Variants in LAMC1 observed in about 807,000 individuals in gnomAD.
LAMC1 encodes the protein laminin subunit gamma 1.
LAMC1 carries 38 observed loss-of-function variants against 173.6 expected under a neutral mutation model. The observed-to-expected ratio is 0.22, with a 90% CI of 0.17 to 0.29. LAMC1 has a LOEUF of 0.29. Ranked by LOEUF, LAMC1 falls within the 10% of genes least tolerant of loss-of-function variation. The probability of loss-of-function intolerance (pLI) is 1.00; values close to 1 mark genes in which losing one functional copy is unlikely to be tolerated. For synonymous variants in LAMC1, 746 were observed against 749.1 expected, an observed-to-expected ratio of 1.00 and a Z score of 0.07; for missense variants, 1,824 against 2,051.8, an observed-to-expected ratio of 0.89 and a Z score of 2.14.
rs1344728130 is a variant in LAMC1 at position 183,071,638 on chromosome 1, CCTT to C, written c.419-31686_419-31684del. 6.6e-5 allele frequency among the ~76,000 whole-genome samples: 10 copies of C among 152,262 alleles called. No individual in the cohort carries two copies. The East Asian group carries it at 1.5e-3, about 24-fold the overall frequency. On this transcript the variant is annotated intron_variant, in intron 1 of 27. Coordinates refer to ENST00000258341, the MANE Select transcript of LAMC1 (RefSeq NM_002293.4). Reference sequence around the variant, plus strand: ...TGAAGTAAAAGGAGGTGATGTTCTGCCTTCTTGTTTCAGCTGCACTGCTGTAAA... The same window carrying C: ...TGAAGTAAAAGGAGGTGATGTTCTGCCTTGTTTCAGCTGCACTGCTGTAAA...
intron 1 of LAMC1, among the ~76,000 whole-genome samples, chr1:183,035,384 T>A (rs1653953760): frequency 6.6e-6 from 1 of 152,102 alleles, no homozygotes; most frequent in Admixed American, 6.5e-5. Context: ...ATGGGGTCTC[T>A]CTGTGTTGTC....
In LAMC1 at chr1:183,133,387, C is replaced by A; in HGVS notation, c.3705-19C>A. The A allele has an allele frequency of 6.3e-7, 1 of 1,599,168 alleles. No homozygotes were observed. Among genetic ancestry groups the A allele is most frequent in the South Asian group, 1.1e-5 (1 of 89,434 alleles). On this transcript the variant is annotated intron_variant, in intron 21 of 27. Coordinates refer to ENST00000258341, the MANE Select transcript of LAMC1 (RefSeq NM_002293.4). The stretch of plus-strand genomic sequence containing the variant: ...AAAGCAGCTAAGATTGTCATTAAAC[C>A]ACATTATTTGTGTCTTAGGTATGAA...
chr1:183,081,157 G>A (rs1425535861), intron 1 of LAMC1, among the ~76,000 whole-genome samples: 1 of 151,978 alleles, frequency 6.6e-6, no homozygotes, highest in Non-Finnish European at 1.5e-5. Flanking sequence ...AAAAGTGCTG[G>A]GATTATAGGC....
chr1:183,070,692 G>T (rs1654988583), intron 1 of LAMC1, among the ~76,000 whole-genome samples: 1 of 151,908 alleles, frequency 6.6e-6, no homozygotes, highest in South Asian at 2.1e-4. Flanking sequence ...TTTAATTTAG[G>T]GATTTTTTTT....
chr1:183,124,594 G>T (rs1407812612), intron 13 of LAMC1, 37 bp from the exon 14 acceptor site: 3 of 1,612,650 alleles, frequency 1.9e-6, no homozygotes, highest in Admixed American at 3.3e-5. Context: ...AATGTCTAAG[G>T]CCTTTCTTTC....
At chr1:183,105,244 AAAGAAAG>A (rs1655944778) in intron 2 of LAMC1, among the ~76,000 whole-genome samples, 1 of 118,832 alleles carries the variant, frequency 8.4e-6, no homozygotes, top group Non-Finnish European at 1.7e-5. Context: ...AAAAAAAAAA[AAAGAAAG>A]AAAGAAAAGA....
intron 4 of LAMC1, among the ~76,000 whole-genome samples, chr1:183,111,012 C>T (rs938607521): frequency 2.6e-5 from 4 of 152,156 alleles, no homozygotes; most frequent in African/African-American, 9.7e-5. Flanking sequence ...TATCAATGCT[C>T]AGGCATCCAA....
chr1:183,116,053 C>T (rs911547497), intron 6 of LAMC1, among the ~76,000 whole-genome samples: 4 of 150,086 alleles, frequency 2.7e-5, no homozygotes, highest in African/African-American at 9.8e-5. Context: ...TGGCGTGAAC[C>T]TGGGAGGTGG....
At chr1:183,067,520 G>A (rs10911217) in intron 1 of LAMC1, among the ~76,000 whole-genome samples, 69,217 of 151,808 alleles carry the variant, frequency 0.46, 17,170 homozygotes, top group East Asian at 0.61. Flanking sequence ...ACGGAGTCTC[G>A]CTCTGTCACC....
intron 1 of LAMC1, among the ~76,000 whole-genome samples, chr1:183,070,464 TC>T (rs1006071199): frequency 6.6e-6 from 1 of 152,186 alleles, no homozygotes; most frequent in African/African-American, 2.4e-5. Flanking sequence ...CTGGGATACT[TC>T]CAGTTTTGTG....
intron 13 of LAMC1, 132 bp from the exon 14 acceptor site, chr1:183,124,499 G>C: frequency 9.1e-7 from 1 of 1,097,536 alleles, no homozygotes; most frequent in Non-Finnish European, 1.3e-6. Flanking sequence ...TGCAGCCCAG[G>C]TCCTCTGCCC....
intron 1 of LAMC1, among the ~76,000 whole-genome samples, chr1:183,090,338 C>T (rs1235534469): frequency 2.0e-5 from 3 of 151,984 alleles, no homozygotes; most frequent in Non-Finnish European, 2.9e-5. Context: ...ATAATTTAAT[C>T]AGGAACACAA....
intron 1 of LAMC1, among the ~76,000 whole-genome samples, chr1:183,035,056 TGAG>T (rs1189408330): frequency 6.6e-6 from 1 of 152,212 alleles, no homozygotes; most frequent in African/African-American, 2.4e-5. Context: ...GACCTCAAAT[TGAG>T]GAGTAAAATG....
intron 11 of LAMC1, 99 bp downstream of exon 11, chr1:183,118,245 TGAGA>T: frequency 2.9e-6 from 2 of 679,408 alleles, no homozygotes; most frequent in Non-Finnish European, 5.2e-6. Context: ...AATATAACAC[TGAGA>T]AGTGTATAAC....
chr1:183,031,341 G>C (rs1024875699), intron 1 of LAMC1, among the ~76,000 whole-genome samples: 5 of 152,076 alleles, frequency 3.3e-5, no homozygotes, highest in African/African-American at 1.2e-4. Flanking sequence ...TTTCGCTCTT[G>C]TCGCCCAGGC....
chr1:183,131,040 GGT>G (rs1190886969), intron 19 of LAMC1, among the ~76,000 whole-genome samples: 2 of 152,080 alleles, frequency 1.3e-5, no homozygotes, highest in Non-Finnish European at 2.9e-5. Context: ...CGGGTATGGT[GGT>G]GCATGCCTGT....
intron 1 of LAMC1, among the ~76,000 whole-genome samples, chr1:183,059,751 G>C (rs557068569): frequency 3.7e-4 from 57 of 152,326 alleles, no homozygotes; most frequent in Admixed American, 9.1e-4. Context: ...GGAGAGTGCA[G>C]TTCAGGCTGG....
intron 1 of LAMC1, among the ~76,000 whole-genome samples, chr1:183,041,033 T>C (rs1254978309): frequency 6.6e-6 from 1 of 152,206 alleles, no homozygotes; most frequent in East Asian, 1.9e-4. Flanking sequence ...TCCTTGTTTA[T>C]GTGATAAATG....
In LAMC1 at chr1:183,135,061, C is replaced by T. The variant is rs781645708; in HGVS notation, c.4019C>T (p.Ala1340Val). 1 of 1,613,972 alleles carries T rather than the reference C, an allele frequency of 6.2e-7. No homozygotes were observed. Among genetic ancestry groups the T allele is most frequent in the Non-Finnish European group, 8.5e-7 (1 of 1,179,888 alleles). ...TEQQTADQLL[A>V]RADAAKALAE... is the part of the protein sequence containing the mutation. ...TTGCAGACCGCAGACCAACTCCTAG[C>T]CCGAGCTGATGCTGCCAAGGCCCTC... The change falls in exon 24 of 28, where the codon GCC becomes GTC. Residue 1340 changes from alanine to valine, a missense_variant. By Grantham distance (64) the Ala-to-Val change is moderately conservative. Coordinates refer to ENST00000258341, the MANE Select transcript of LAMC1 (RefSeq NM_002293.4).
Sources: allele counts gnomAD v4.1 joint callset (sites outside exome capture counted in the v4.1 genomes callset), GRCh38; gene constraint gnomAD v4.1.1; transcripts MANE v1.5; gene names NCBI Gene and HGNC (gene_info 2026-07-23, HGNC 2026-07-21).